Variants in SEC22B observed in about 807,000 individuals in gnomAD.
SEC22B encodes the protein vesicle-trafficking protein SEC22b.
A neutral mutation model predicts 31.4 loss-of-function variants in SEC22B; 10 were observed. The ratio of observed to expected loss-of-function variants is 0.32; its 90% CI spans 0.20 to 0.54. SEC22B has a LOEUF of 0.54. Among genes scored for constraint, SEC22B ranks in the 20% least tolerant of loss-of-function variants. The probability of loss-of-function intolerance (pLI) is 0.94; values close to 1 mark genes in which losing one functional copy is unlikely to be tolerated. For missense variants in SEC22B, 130 were observed against 263.4 expected (o/e 0.49, Z 3.50); for synonymous variants, 60 against 95.9 (o/e 0.63, Z 2.19).
chr1:120,163,945 C>T (rs1386753157), intron 2 of SEC22B, among the ~76,000 whole-genome samples: 4 of 68,916 alleles, frequency 5.8e-5, no homozygotes, highest in South Asian at 1.1e-3. Flanking sequence ...ATTAGATTCT[C>T]TTTTTTTTTT....
rs1276515036 is a variant in SEC22B, at chr1:120,155,629, GT to G, written c.*1408del. On this transcript the variant is annotated 3_prime_UTR_variant, in exon 5 of 5. Coordinates refer to ENST00000578049, the MANE Select transcript of SEC22B (RefSeq NM_004892.6). The stretch of plus-strand genomic sequence containing the variant: ...GTTATAAAATTGCTTACTGGTTAAA[GT>G]TTTTTGCCAAAGATATTAAGAAATA... 4 of 150,164 alleles carry G rather than the reference GT, an allele frequency of 2.7e-5. No individual in the cohort carries two copies. The highest frequency in any genetic ancestry group is 4.5e-5 in the Non-Finnish European group (3 of 67,234). The allele number at this position is 150,164 out of a possible 1,614,324, so 9.3% of individuals were successfully genotyped here. A position where few individuals can be genotyped will look rare whatever the true frequency, so the allele number is the denominator to read the frequency against.
At chr1:120,158,860 CA>C (rs1481315667) in intron 4 of SEC22B, 1 of 91,616 alleles carries the variant, frequency 1.1e-5, no homozygotes, top group African/African-American at 3.9e-5. Context: ...GCTCACTACT[CA>C]AAAAAAGGTT....
chr1:120,167,341 C>CA (rs1657828784), intron 2 of SEC22B, among the ~76,000 whole-genome samples: 1 of 152,012 alleles, frequency 6.6e-6, no homozygotes, highest in Non-Finnish European at 1.5e-5. Flanking sequence ...AAATGGCGGA[C>CA]TGTTCTCCAA....
intron 1 of SEC22B, among the ~76,000 whole-genome samples, chr1:120,169,559 C>T (rs1307670658): frequency 1.8e-4 from 28 of 152,122 alleles, no homozygotes; most frequent in African/African-American, 2.9e-4. Context: ...GTTTGAATAT[C>T]GAGGGATATA....
chr1:120,170,614 G>A (rs1175154244), intron 1 of SEC22B, among the ~76,000 whole-genome samples: 2 of 151,062 alleles, frequency 1.3e-5, no homozygotes, highest in African/African-American at 2.5e-5. Context: ...CACTGTTATG[G>A]CAATTATTTG....
rs1462529848 is a variant in SEC22B at position 120,164,555 on chromosome 1, G to A, written c.186-1185C>T. On this transcript the variant is annotated intron_variant, in intron 2 of 4. Coordinates refer to ENST00000578049, the MANE Select transcript of SEC22B (RefSeq NM_004892.6). ...TCTGTTCCTGCATTAATTCACTTAG[G>A]TAATGACTTCCAGCTCCATCCATGT... Among the ~76,000 whole-genome samples, 8 of 152,066 alleles carry A rather than the reference G, an allele frequency of 5.3e-5. No individual in the cohort carries two copies. In the East Asian group the frequency reaches 1.3e-3, roughly 26 times the overall value.
At chr1:120,169,602 TGTTATAATTACAG>T (rs1657865080) in intron 1 of SEC22B, among the ~76,000 whole-genome samples, 1 of 150,528 alleles carries the variant, frequency 6.6e-6, no homozygotes, top group African/African-American at 2.4e-5. Flanking sequence ...AGCATTCACA[TGTTATAATTACAG>T]GTAATATTTT....
chr1:120,151,895 G>C lies in SEC22B; in HGVS notation c.*5143C>G, dbSNP rs1382952719. On this transcript the variant is annotated 3_prime_UTR_variant, in exon 5 of 5. Transcript: ENST00000578049. ...AGAGGTGAAAGAAGAAAGCAGAGGA[G>C]TCTAATGCAATGCGTGACTTGTAGC... 1.3e-5 allele frequency: 2 copies of C among 151,892 alleles called. No homozygotes were observed. Among genetic ancestry groups the C allele is most frequent in the Admixed American group, 6.6e-5 (1 of 15,250 alleles). 9.4% of individuals were successfully genotyped at this position (151,892 alleles called of 1,614,324 possible). A position where few individuals can be genotyped will look rare whatever the true frequency, so the allele number is the denominator to read the frequency against.
intron 2 of SEC22B, among the ~76,000 whole-genome samples, chr1:120,164,803 GTAGT>G (rs1657781263): frequency 6.6e-6 from 1 of 151,956 alleles, no homozygotes; most frequent in Non-Finnish European, 1.5e-5. Context: ...GGGTCTAATG[GTAGT>G]TCTGTTTTAA....
At chr1:120,168,332 C>T (rs1196262841) in intron 2 of SEC22B, among the ~76,000 whole-genome samples, 11 of 151,422 alleles carry the variant, frequency 7.3e-5, no homozygotes, top group African/African-American at 1.7e-4. Flanking sequence ...GATTAAGATG[C>T]TCTTATCTTT....
chr1:120,162,846 T>C (rs1347171276), intron 3 of SEC22B, among the ~76,000 whole-genome samples: 1 of 152,136 alleles, frequency 6.6e-6, no homozygotes, highest in African/African-American at 2.4e-5. Context: ...ATGAGCCTTA[T>C]TGTGAGTGTG....
chr1:120,160,583 G>A, intron 3 of SEC22B, 53 bp from the exon 4 acceptor site: 1 of 1,486,334 alleles, frequency 6.7e-7, no homozygotes, highest in African/African-American at 1.4e-5. Flanking sequence ...AAAGTACTGA[G>A]GTAGGAGATT....
intron 4 of SEC22B, 122 bp downstream of exon 4, chr1:120,160,262 T>G (rs1427553072): frequency 4.8e-6 from 3 of 618,818 alleles, no homozygotes; most frequent in Non-Finnish European, 7.9e-6. Flanking sequence ...AATGTACTTC[T>G]GGGAGATAAA....
Position 120,152,431 on chromosome 1 carries a change from G to GAAAGT in SEC22B, c.*4602_*4606dup, listed in dbSNP as rs1553228872. ...AACAACATCTAGAGAAACAAAAAATGAAAGTAAAATGGAAAAAGATAAAAG... is the reference window on the plus strand; with the variant it reads ...AACAACATCTAGAGAAACAAAAAATGAAAGTAAAGTAAAATGGAAAAAGATAAAAG... On this transcript the variant is annotated 3_prime_UTR_variant, in exon 5 of 5. Transcript: ENST00000578049. The GAAAGT allele has an allele frequency of 6.7e-6, 1 of 149,142 alleles. No individual in the cohort carries two copies. The highest frequency in any genetic ancestry group is 1.5e-5 in the Non-Finnish European group (1 of 67,606). The allele number at this position is 149,142 out of a possible 1,614,324, so 9.2% of individuals were successfully genotyped here. A position where few individuals can be genotyped will look rare whatever the true frequency, so the allele number is the denominator to read the frequency against.
At chr1:120,157,395 T>A (rs1456018822) in intron 4 of SEC22B, 2 of 365,876 alleles carry the variant, frequency 5.5e-6, no homozygotes, top group African/African-American at 2.1e-5. Context: ...TATAGTAAGG[T>A]GGTTAGAAGT....
intron 1 of SEC22B, among the ~76,000 whole-genome samples, chr1:120,169,209 C>G (rs1657857065): frequency 1.3e-5 from 2 of 152,250 alleles, no homozygotes. Flanking sequence ...AACTTTCAAT[C>G]CAGTGTTCTT....
intron 2 of SEC22B, among the ~76,000 whole-genome samples, chr1:120,163,622 C>A (rs1190915526): frequency 6.7e-6 from 1 of 149,908 alleles, no homozygotes; most frequent in African/African-American, 2.5e-5. Flanking sequence ...GTCCCCTGGG[C>A]TGGAGTGCAG....
chr1:120,163,669 G>A (rs1657756230), intron 2 of SEC22B, among the ~76,000 whole-genome samples: 2 of 151,166 alleles, frequency 1.3e-5, no homozygotes, highest in East Asian at 1.9e-4. Context: ...TCCGCCTCCC[G>A]GGTTCAAGCC....
chr1:120,175,913 G>A (rs1430693653), intron 1 of SEC22B, among the ~76,000 whole-genome samples: 1 of 152,156 alleles, frequency 6.6e-6, no homozygotes, highest in African/African-American at 2.4e-5. Context: ...AGGATCAGGT[G>A]CCACGTTATA....
Sources: gnomAD v4.1 joint callset for allele counts (sites outside exome capture counted in the v4.1 genomes callset) on GRCh38, gnomAD v4.1.1 for gene constraint, MANE v1.5 for transcripts, NCBI Gene and HGNC (gene_info 2026-07-23, HGNC 2026-07-21) for gene names.